The following PBX1 variants were observed in gnomAD, a reference collection of about 807,000 sequenced individuals.
The protein encoded by PBX1 is pre-B-cell leukemia transcription factor 1.
Under a neutral mutation model 53.4 loss-of-function variants are expected in PBX1, and 6 were observed. The observed-to-expected ratio is 0.11, with a 90% CI of 0.06 to 0.22. PBX1 has a LOEUF of 0.22. Among genes scored for constraint, PBX1 ranks in the 10% least tolerant of loss-of-function variants. The probability of loss-of-function intolerance (pLI) is 1.00; values close to 1 mark genes in which losing one functional copy is unlikely to be tolerated. For missense variants in PBX1, 251 were observed against 551.4 expected (o/e 0.46, Z 5.46); for synonymous variants, 204 against 212.3 (o/e 0.96, Z 0.34).
chr1:164,818,117 A>C (rs2102359014), intron 6 of PBX1: 1 of 152,378 alleles, frequency 6.6e-6, no homozygotes, highest in East Asian at 1.9e-4. Flanking sequence ...ATACATTACA[A>C]AATGACTTTT....
intron 4 of PBX1, among the ~76,000 whole-genome samples, chr1:164,805,931 T>TC (rs1669324959): frequency 1.3e-5 from 2 of 152,176 alleles, no homozygotes; most frequent in South Asian, 4.1e-4. Flanking sequence ...ATCAGGCACT[T>TC]CATTGTGTTA....
chr1:164,726,964 G>T (rs1240921340), intron 2 of PBX1, among the ~76,000 whole-genome samples: 1 of 152,194 alleles, frequency 6.6e-6, no homozygotes, highest in African/African-American at 2.4e-5. Context: ...AATGCAGGAA[G>T]AAACCTTCGC....
chr1:164,701,291 A>G (rs765153471), intron 2 of PBX1, among the ~76,000 whole-genome samples: 14 of 152,182 alleles, frequency 9.2e-5, no homozygotes, highest in Non-Finnish European at 1.6e-4. Flanking sequence ...TTGAAACACA[A>G]TGCCATTTTT....
intron 2 of PBX1, among the ~76,000 whole-genome samples, chr1:164,605,817 A>G (rs7517971): frequency 0.069 from 10,468 of 152,280 alleles, 462 homozygotes; most frequent in Middle Eastern, 0.099. Context: ...TTGCATACCA[A>G]TTCCAATTTA....
chr1:164,680,286 A>T (rs1200138065), intron 2 of PBX1: 1 of 152,234 alleles, frequency 6.6e-6, no homozygotes, highest in African/African-American at 2.4e-5. Flanking sequence ...TTTTTAAAAA[A>T]TTTTAAGCAA....
chr1:164,682,671 A>G (rs1202264513), intron 2 of PBX1: 3 of 151,706 alleles, frequency 2.0e-5, no homozygotes, highest in East Asian at 3.9e-4. Flanking sequence ...TTTTTCTTCT[A>G]CTGTTAAATA....
At chr1:164,592,432 C>A (rs962582915) in intron 2 of PBX1, among the ~76,000 whole-genome samples, 2 of 152,180 alleles carry the variant, frequency 1.3e-5, no homozygotes, top group Non-Finnish European at 2.9e-5. Context: ...CCCTGGCAGG[C>A]CTTTAATTCT....
chr1:164,690,060 G>T (rs1026143415), intron 2 of PBX1, among the ~76,000 whole-genome samples: 4 of 152,170 alleles, frequency 2.6e-5, no homozygotes, highest in African/African-American at 7.2e-5. Flanking sequence ...TTATTGCAGG[G>T]TGACATATGG....
At chr1:164,587,906 C>G (rs1461115017) in intron 2 of PBX1, among the ~76,000 whole-genome samples, 2 of 152,164 alleles carry the variant, frequency 1.3e-5, no homozygotes, top group African/African-American at 4.8e-5. Flanking sequence ...GAATCTCCTG[C>G]ACAGTCACTG....
chr1:164,815,296 G>A (rs755227260), intron 6 of PBX1: 7 of 152,318 alleles, frequency 4.6e-5, no homozygotes, highest in East Asian at 1.9e-4. Context: ...TGCCATCAGC[G>A]TTGAAATTAT....
At chr1:164,875,715 G>C (rs1672488358) in intron 2 of PBX1, among the ~76,000 whole-genome samples, 1 of 152,000 alleles carries the variant, frequency 6.6e-6, no homozygotes, top group African/African-American at 2.4e-5. Flanking sequence ...GGCAGGAGCT[G>C]GCAGCCAACC....
At chr1:164,571,892 T>TATATAC (rs1388950987) in intron 2 of PBX1, among the ~76,000 whole-genome samples, 1 of 118,336 alleles carries the variant, frequency 8.5e-6, no homozygotes, top group Non-Finnish European at 1.7e-5. Context: ...TATATATATA[T>TATATAC]ATATATATAT....
intron 2 of PBX1, among the ~76,000 whole-genome samples, chr1:164,705,500 G>A (rs1429590792): frequency 6.6e-6 from 1 of 152,110 alleles, no homozygotes; most frequent in Non-Finnish European, 1.5e-5. Context: ...TATGTGGAAG[G>A]AGATGCCTTG....
intron 8 of PBX1, among the ~76,000 whole-genome samples, chr1:164,839,577 C>T (rs115659106): frequency 9.2e-4 from 140 of 152,198 alleles, no homozygotes; most frequent in African/African-American, 2.9e-3. Context: ...AAAGATGACA[C>T]GGATTTGTAG....
At chr1:164,790,904 G>A (rs555551023) in intron 2 of PBX1, among the ~76,000 whole-genome samples, 1 of 152,254 alleles carries the variant, frequency 6.6e-6, no homozygotes, top group African/African-American at 2.4e-5. Context: ...TGCCAGGGCT[G>A]GGAGACACCT....
chr1:164,838,824 C>A (rs958081792), intron 8 of PBX1, among the ~76,000 whole-genome samples: 6 of 152,132 alleles, frequency 3.9e-5, no homozygotes, highest in Non-Finnish European at 8.8e-5. Context: ...GAACGAGACA[C>A]CAAGGGAAGG....
intron 2 of PBX1, among the ~76,000 whole-genome samples, chr1:164,728,117 G>A (rs1400869679): frequency 6.6e-6 from 1 of 152,088 alleles, no homozygotes. Context: ...TTGAGTCCAG[G>A]AGTTCAAGAC....
intron 2 of PBX1, chr1:164,626,218 TA>T (rs2101866944): frequency 2.1e-6 from 1 of 466,564 alleles, no homozygotes; most frequent in East Asian, 8.6e-5. Flanking sequence ...ACCACACATC[TA>T]TCTTGATGGC....
chr1:164,665,068 C>G (rs1178392512), intron 2 of PBX1, among the ~76,000 whole-genome samples: 1 of 152,104 alleles, frequency 6.6e-6, no homozygotes, highest in East Asian at 1.9e-4. Flanking sequence ...AGTTTGAATT[C>G]TGTAATAAAT....
Sources: allele counts gnomAD v4.1 joint callset (sites outside exome capture counted in the v4.1 genomes callset), GRCh38; gene constraint gnomAD v4.1.1; transcripts MANE v1.5; gene names NCBI Gene and HGNC (gene_info 2026-07-23, HGNC 2026-07-21).